Variants in RAB38 observed in about 807,000 individuals in gnomAD.
RAB38 encodes the protein RAB38, member RAS oncogene family, also known as ras-related protein Rab-38.
A neutral mutation model predicts 18.4 loss-of-function variants in RAB38; 15 were observed. The ratio of observed to expected loss-of-function variants is 0.82; its 90% CI spans 0.55 to 1.26. The LOEUF is 1.26. Ranked by LOEUF, RAB38 falls within the 50% of genes most tolerant of loss-of-function variation. RAB38 has a pLI of 0.00. For synonymous variants in RAB38, 101 were observed against 104.4 expected, an observed-to-expected ratio of 0.97 and a Z score of 0.20; for missense variants, 294 against 267.4, an observed-to-expected ratio of 1.10 and a Z score of -0.69.
At chr11:88,058,791 A>G in the RAB38 span, among the ~76,000 whole-genome samples, 4 of 152,200 alleles carry the variant, frequency 2.6e-5, no homozygotes, top group African/African-American at 9.6e-5. Flanking sequence ...ACCAAGAGAT[A>G]ATTGTGCTTC....
At chr11:87,972,242 C>A in the RAB38 span, among the ~76,000 whole-genome samples, 2 of 152,042 alleles carry the variant, frequency 1.3e-5, no homozygotes, top group African/African-American at 4.8e-5. Context: ...GGTGATTACA[C>A]CTCCTCTACC....
At chr11:87,808,710 C>G in the RAB38 span, among the ~76,000 whole-genome samples, 232 of 152,294 alleles carry the variant, frequency 1.5e-3, no homozygotes, top group African/African-American at 5.4e-3. Context: ...TTACTTTAGC[C>G]ATAATACAAT....
chr11:88,101,808 T>C, the RAB38 span, among the ~76,000 whole-genome samples: 2 of 151,512 alleles, frequency 1.3e-5, no homozygotes, highest in Non-Finnish European at 2.9e-5. Context: ...CATAATTATG[T>C]TATTCAAATT....
chr11:88,067,278 C>T, the RAB38 span, among the ~76,000 whole-genome samples: 1 of 149,410 alleles, frequency 6.7e-6, no homozygotes, highest in East Asian at 2.0e-4. Context: ...TAGCATTACA[C>T]AACAAGTTTA....
At chr11:87,825,890 G>A in the RAB38 span, among the ~76,000 whole-genome samples, 1 of 152,016 alleles carries the variant, frequency 6.6e-6, no homozygotes, top group African/African-American at 2.4e-5. Flanking sequence ...GACTAAATGT[G>A]TACAAAATAG....
chr11:88,004,239 T>C, the RAB38 span, among the ~76,000 whole-genome samples: 140 of 150,330 alleles, frequency 9.3e-4, no homozygotes, highest in Non-Finnish European at 1.6e-3. Flanking sequence ...TAAAAAGTCT[T>C]TATTAAAACA....
chr11:88,023,883 C>T, the RAB38 span, among the ~76,000 whole-genome samples: 3 of 152,232 alleles, frequency 2.0e-5, no homozygotes, highest in East Asian at 3.9e-4. Context: ...TCACCTTATA[C>T]AAAAATCAAA....
intron 1 of RAB38, among the ~76,000 whole-genome samples, chr11:88,154,718 G>T (rs1240248154): frequency 6.6e-6 from 1 of 152,226 alleles, no homozygotes; most frequent in East Asian, 1.9e-4. Flanking sequence ...AGTCTGACCT[G>T]CACCAGTCTT....
the RAB38 span, among the ~76,000 whole-genome samples, chr11:88,028,149 C>A: frequency 6.6e-6 from 1 of 152,218 alleles, no homozygotes; most frequent in Non-Finnish European, 1.5e-5. Context: ...CAAACTCCAA[C>A]AGACCTGCAG....
At chr11:88,045,092 C>G in the RAB38 span, among the ~76,000 whole-genome samples, 3 of 152,180 alleles carry the variant, frequency 2.0e-5, no homozygotes, top group African/African-American at 4.8e-5. Context: ...AATATAAAAA[C>G]CCAGCCCAGT....
chr11:87,878,733 T>C, the RAB38 span, among the ~76,000 whole-genome samples: 1 of 151,720 alleles, frequency 6.6e-6, no homozygotes, highest in African/African-American at 2.4e-5. Context: ...TAAAGCCAGC[T>C]GTGTGCCACT....
chr11:87,809,075 C>G, the RAB38 span, among the ~76,000 whole-genome samples: 1 of 151,918 alleles, frequency 6.6e-6, no homozygotes, highest in Non-Finnish European at 1.5e-5. Flanking sequence ...GCATGACAAA[C>G]AGAAAGCACA....
the RAB38 span, among the ~76,000 whole-genome samples, chr11:87,950,822 T>C: frequency 1.3e-5 from 2 of 152,208 alleles, no homozygotes; most frequent in Admixed American, 1.3e-4. Context: ...CTTGACATTT[T>C]TTCCTTCATT....
the RAB38 span, among the ~76,000 whole-genome samples, chr11:88,031,693 A>G: frequency 6.6e-6 from 1 of 151,334 alleles, no homozygotes; most frequent in East Asian, 2.0e-4. Flanking sequence ...GACCTCTTCA[A>G]GGAGAACTAC....
chr11:87,928,038 A>C, the RAB38 span, among the ~76,000 whole-genome samples: 51 of 152,018 alleles, frequency 3.4e-4, no homozygotes, highest in Non-Finnish European at 6.8e-4. Flanking sequence ...TGATTGTATC[A>C]CTGCATTCCA....
At chr11:88,163,343 C>G (rs1228548034) in intron 1 of RAB38, among the ~76,000 whole-genome samples, 1 of 152,070 alleles carries the variant, frequency 6.6e-6, no homozygotes, top group Non-Finnish European at 1.5e-5. Context: ...GGAACCCCAG[C>G]AGGAAAAGGT....
At chr11:87,851,624 T>C in the RAB38 span, among the ~76,000 whole-genome samples, 3 of 152,258 alleles carry the variant, frequency 2.0e-5, no homozygotes, top group Non-Finnish European at 2.9e-5. Flanking sequence ...GAAAAACAGA[T>C]AGTATATAGC....
At chr11:88,142,668 A>G (rs1237180149) in intron 2 of RAB38, among the ~76,000 whole-genome samples, 4 of 152,212 alleles carry the variant, frequency 2.6e-5, no homozygotes, top group Non-Finnish European at 5.9e-5. Context: ...ATATTTTTCT[A>G]TGTTTCTTCT....
the RAB38 span, among the ~76,000 whole-genome samples, chr11:87,836,362 C>A: frequency 1.3e-5 from 2 of 152,082 alleles, no homozygotes; most frequent in African/African-American, 4.8e-5. Context: ...TTCTATCTAC[C>A]TGATTTCTCA....
Sources: allele counts gnomAD v4.1 joint callset (sites outside exome capture counted in the v4.1 genomes callset), GRCh38; gene constraint gnomAD v4.1.1; transcripts MANE v1.5; gene names NCBI Gene and HGNC (gene_info 2026-07-23, HGNC 2026-07-21).